The following CADPS variants were observed in gnomAD, a reference collection of about 807,000 sequenced individuals.
CADPS encodes calcium dependent secretion activator.
Under a neutral mutation model 167.3 loss-of-function variants are expected in CADPS, and 57 were observed. That is an observed-to-expected ratio of 0.34 (90% CI 0.28 to 0.42). CADPS has a LOEUF of 0.42. CADPS is among the 20% of genes least tolerant of loss of function. The probability of loss-of-function intolerance (pLI) is 1.00; values close to 1 mark genes in which losing one functional copy is unlikely to be tolerated. For missense variants in CADPS, 1,414 were observed against 1,738.1 expected (o/e 0.81, Z 3.32); for synonymous variants, 676 against 635.3 (o/e 1.06, Z -0.96).
chr3:62,596,109 AC>A, intron 6 of CADPS, among the ~76,000 whole-genome samples: 1 of 101,774 alleles, frequency 9.8e-6, no homozygotes, highest in Admixed American at 1.2e-4. Flanking sequence ...ACACACACAC[AC>A]ACACACACAC....
chr3:62,670,470 G>A (rs1216041818), intron 3 of CADPS, among the ~76,000 whole-genome samples: 2 of 152,140 alleles, frequency 1.3e-5, no homozygotes, highest in East Asian at 3.9e-4. Context: ...CTTTGCAAGA[G>A]AAGACCTTGG....
At chr3:62,406,336 C>A (rs533152403) in intron 28 of CADPS, among the ~76,000 whole-genome samples, 1 of 152,148 alleles carries the variant, frequency 6.6e-6, no homozygotes, top group South Asian at 2.1e-4. Context: ...CTCTTCCTCA[C>A]GGGGCTCACA....
chr3:62,536,104 T>A (rs1159852297), intron 12 of CADPS: 3 of 207,110 alleles, frequency 1.4e-5, no homozygotes, highest in Non-Finnish European at 2.9e-5. Context: ...GGGAAGGGCA[T>A]CTTAAACTCT....
chr3:62,801,270 T>C (rs916096977), intron 1 of CADPS, among the ~76,000 whole-genome samples: 1 of 152,132 alleles, frequency 6.6e-6, no homozygotes, highest in Non-Finnish European at 1.5e-5. Flanking sequence ...AGATTTAAAG[T>C]TGAATTAGAA....
At chr3:62,617,075 A>AT (rs2062432392) in intron 6 of CADPS, among the ~76,000 whole-genome samples, 1 of 152,208 alleles carries the variant, frequency 6.6e-6, no homozygotes, top group Non-Finnish European at 1.5e-5. Context: ...AATGTTAAAT[A>AT]TTGGAGTGCT....
chr3:62,670,502 G>C (rs757504728), intron 3 of CADPS, among the ~76,000 whole-genome samples: 12 of 152,098 alleles, frequency 7.9e-5, no homozygotes, highest in Non-Finnish European at 1.8e-4. Context: ...TTTCCATTCT[G>C]AATGATGTAC....
intron 1 of CADPS, among the ~76,000 whole-genome samples, chr3:62,863,232 G>A (rs1161287554): frequency 6.6e-6 from 1 of 152,164 alleles, no homozygotes; most frequent in African/African-American, 2.4e-5. Flanking sequence ...GGTTAAGTGT[G>A]AAGGCTGGAG....
intron 2 of CADPS, among the ~76,000 whole-genome samples, chr3:62,758,335 A>G (rs2084512342): frequency 6.6e-6 from 1 of 152,232 alleles, no homozygotes; most frequent in Non-Finnish European, 1.5e-5. Flanking sequence ...GAGTGGAATG[A>G]TAAGAACATG....
At chr3:62,431,347 A>G (rs191456030) in intron 28 of CADPS, among the ~76,000 whole-genome samples, 1 of 152,184 alleles carries the variant, frequency 6.6e-6, no homozygotes, top group Admixed American at 6.6e-5. Flanking sequence ...ATGTCTTCAC[A>G]TGGCCACCTT....
Position 62,651,183 on chromosome 3 carries a change from T to A in CADPS, c.970-103A>T. On this transcript the variant is annotated intron_variant, in intron 4 of 29. Coordinates refer to ENST00000383710, the MANE Select transcript of CADPS (RefSeq NM_003716.4). ...CCAGAGTTAGAATCACATCTACTAC[T>A]AGTGAAATTCACCCAGATCTCATGG... is the stretch of plus-strand genomic sequence containing the variant. 2.6e-5 allele frequency: 20 copies of A among 773,202 alleles called. 1 individual carries two copies. In the South Asian group the frequency reaches 3.5e-4, roughly 13 times the overall value. 47.9% of individuals were successfully genotyped at this position (773,202 alleles called of 1,614,324 possible). A position where few individuals can be genotyped will look rare whatever the true frequency, so the allele number is the denominator to read the frequency against.
chr3:62,747,781 T>C (rs999659364), intron 3 of CADPS, among the ~76,000 whole-genome samples: 1 of 152,194 alleles, frequency 6.6e-6, no homozygotes, highest in South Asian at 2.1e-4. Context: ...CTTATCCTAT[T>C]AGTTGGAGTG....
chr3:62,640,966 C>T (rs534767916), intron 6 of CADPS, among the ~76,000 whole-genome samples: 2 of 151,888 alleles, frequency 1.3e-5, no homozygotes, highest in East Asian at 3.9e-4. Context: ...ACTTTATTTG[C>T]CTACCATCTT....
chr3:62,513,144 C>G (rs1476113873), intron 16 of CADPS, among the ~76,000 whole-genome samples: 1 of 152,088 alleles, frequency 6.6e-6, no homozygotes, highest in East Asian at 1.9e-4. Flanking sequence ...AGAGAACAGA[C>G]AGGAGGCATA....
At position 62,753,334 on chromosome 3, in the gene CADPS, A is replaced by G. The variant is rs2083126571; in HGVS notation, c.888+107T>C. ...CAACTTTTTACCAGTAGAGTAATAA[A>G]ATATAAGTTTTAATCCTTTTTTTAA... On this transcript the variant is annotated intron_variant, in intron 3 of 29. Coordinates refer to ENST00000383710, the MANE Select transcript of CADPS (RefSeq NM_003716.4). The surrounding 1 kb of genome is among the most constrained non-coding windows in gnomAD (Gnocchi z 4.6). The G allele has an allele frequency of 2.4e-5, 19 of 802,704 alleles. No individual in the cohort carries two copies. Among genetic ancestry groups the G allele is most frequent in the Non-Finnish European group, 2.0e-6 (1 of 510,300 alleles). The allele number at this position is 802,704 out of a possible 1,614,324, so 49.7% of individuals were successfully genotyped here.
At chr3:62,493,601 TA>T (rs878986132) in intron 19 of CADPS, 43 bp downstream of exon 19, 1 of 1,485,858 alleles carries the variant, frequency 6.7e-7, no homozygotes, top group South Asian at 1.2e-5. Flanking sequence ...GGAGGCAGAA[TA>T]GGGGTCCACC....
At chr3:62,779,155 G>C (rs1313041141) in intron 1 of CADPS, 2 of 186,712 alleles carry the variant, frequency 1.1e-5, no homozygotes, top group Non-Finnish European at 2.5e-5. Flanking sequence ...CCAAAGTGCT[G>C]GGATTATAAT....
intron 6 of CADPS, among the ~76,000 whole-genome samples, chr3:62,615,444 C>T (rs948470452): frequency 6.6e-6 from 1 of 152,186 alleles, no homozygotes; most frequent in Non-Finnish European, 1.5e-5. Flanking sequence ...TACTCTGAAT[C>T]AGCGACTGTG....
intron 13 of CADPS, among the ~76,000 whole-genome samples, chr3:62,523,892 G>A (rs535970222): frequency 2.6e-5 from 4 of 152,204 alleles, no homozygotes; most frequent in Non-Finnish European, 5.9e-5. Context: ...CCTGCAGACC[G>A]CATGATGGAT....
chr3:62,706,401 C>G (rs564944251), intron 3 of CADPS, among the ~76,000 whole-genome samples: 16 of 152,056 alleles, frequency 1.1e-4, no homozygotes, highest in African/African-American at 3.9e-4. Flanking sequence ...CAGTAGGGCC[C>G]TTTACCACTC....
Sources: allele counts gnomAD v4.1 joint callset (sites outside exome capture counted in the v4.1 genomes callset), GRCh38; gene constraint gnomAD v4.1.1; non-coding constraint Gnocchi (gnomAD v3.1); transcripts MANE v1.5; gene names NCBI Gene and HGNC (gene_info 2026-07-23, HGNC 2026-07-21).